Variants in PRRC2C observed in about 807,000 individuals in gnomAD.
PRRC2C encodes the protein proline rich coiled-coil 2C.
PRRC2C carries 72 observed loss-of-function variants against 317.2 expected under a neutral mutation model. The observed-to-expected ratio is 0.23, with a 90% CI of 0.19 to 0.28. PRRC2C has a LOEUF of 0.28. Among genes scored for constraint, PRRC2C ranks in the 10% least tolerant of loss-of-function variants. PRRC2C has a pLI of 1.00. For synonymous variants in PRRC2C, 1,296 were observed against 1,205.9 expected, an observed-to-expected ratio of 1.07 and a Z score of -1.55; for missense variants, 3,074 against 3,459.7, an observed-to-expected ratio of 0.89 and a Z score of 2.80.
intron 6 of PRRC2C, among the ~76,000 whole-genome samples, chr1:171,518,492 C>T (rs139221590): frequency 2.9e-5 from 2 of 68,390 alleles, no homozygotes; most frequent in African/African-American, 8.6e-5. Flanking sequence ...AATTTTTTTT[C>T]AATTTTTTTT....
rs763858329 is a variant in PRRC2C at position 171,535,378 on chromosome 1, G to A, written c.1874-50G>A. ...CAGTCTTTGTAAAAATCCTGTGTTTGATAAGTGTCATAGATGAATACTATT... is the reference window on the plus strand; with the variant it reads ...CAGTCTTTGTAAAAATCCTGTGTTTAATAAGTGTCATAGATGAATACTATT... On this transcript the variant is annotated intron_variant, in intron 12 of 34. Coordinates refer to ENST00000647382, the MANE Select transcript of PRRC2C (RefSeq NM_001387844.1). 4.6e-6 allele frequency: 7 copies of A among 1,505,418 alleles called. No homozygotes were observed. In the African/African-American group the frequency reaches 5.6e-5, roughly 12 times the overall value. 93.3% of individuals were successfully genotyped at this position (1,505,418 alleles called of 1,614,324 possible).
intron 17 of PRRC2C, among the ~76,000 whole-genome samples, chr1:171,549,178 T>G (rs965004863): frequency 4.6e-5 from 7 of 152,228 alleles, no homozygotes; most frequent in African/African-American, 1.7e-4. Context: ...TATTTCATTT[T>G]TTAAAACATT....
chr1:171,528,127 CTT>C (rs1018461667), intron 11 of PRRC2C, among the ~76,000 whole-genome samples: 7 of 152,042 alleles, frequency 4.6e-5, no homozygotes, highest in African/African-American at 1.7e-4. Context: ...GCTAAGGACA[CTT>C]TTTTACTTGG....
Position 171,540,492 on chromosome 1 carries a change from A to G in PRRC2C, c.3026A>G (p.Asp1009Gly). Residue 1009 changes from aspartate to glycine, a missense_variant, in exon 16 of 35, where the codon GAT (aspartate) becomes GGT (glycine). Asp to Gly is a moderately conservative substitution (Grantham distance 94). Transcript: ENST00000647382. ...TCTAACAGAAGGGAAGAAGTTAATG[A>G]TAGACCTGTGAGAAGATCAGGTCCC... The part of the protein sequence containing the change: ...PSSNRREEVN[D>G]RPVRRSGPIK... 1 of 1,613,356 alleles carries G rather than the reference A, an allele frequency of 6.2e-7. No homozygotes were observed. The highest frequency in any genetic ancestry group is 8.5e-7 in the Non-Finnish European group (1 of 1,179,716).
chr1:171,496,390 A>G (rs1373446978), intron 1 of PRRC2C, among the ~76,000 whole-genome samples: 2 of 151,228 alleles, frequency 1.3e-5, no homozygotes, highest in African/African-American at 2.4e-5. Context: ...TTTAGTAGAG[A>G]TGGTATTTTG....
rs377327909 is a variant in PRRC2C, at chr1:171,516,406, G to C, written c.526+547G>C. On this transcript the variant is annotated intron_variant, in intron 5 of 34. Coordinates refer to ENST00000647382, the MANE Select transcript of PRRC2C (RefSeq NM_001387844.1). ...ATCTTAAAGGACCTTGTTTACATGG[G>C]GAGGTTCGTCTATGACAGAAGTGTT... Among the ~76,000 whole-genome samples the C allele has an allele frequency of 5.3e-5, 8 of 152,238 alleles. No homozygotes were observed. In the South Asian group the frequency reaches 8.3e-4, roughly 16 times the overall value.
At chr1:171,536,945 A>G (rs1405902620) in intron 14 of PRRC2C, among the ~76,000 whole-genome samples, 2 of 152,228 alleles carry the variant, frequency 1.3e-5, no homozygotes, top group Non-Finnish European at 1.5e-5. Context: ...ATTGACATCC[A>G]GAGTCACAGT....
At chr1:171,584,690 G>A (rs1649448026) in intron 30 of PRRC2C, 164 bp downstream of exon 30, 1 of 765,340 alleles carries the variant, frequency 1.3e-6, no homozygotes, top group Non-Finnish European at 2.0e-6. Context: ...ACGTAGAAGG[G>A]GTTTCAGGCT....
In PRRC2C at chr1:171,517,848, A is replaced by C. The variant is rs888970287; in HGVS notation, c.750+34A>C. 17 of 1,580,758 alleles carry C rather than the reference A, an allele frequency of 1.1e-5. No homozygotes were observed. The Admixed American group carries it at 1.4e-4, about 13-fold the overall frequency. ...TGTTAAATGAACAAGCATTCAAACA[A>C]GTGGTTTTTGATCTGGGGTCCAAGG... On this transcript the variant is annotated intron_variant, in intron 6 of 34. Coordinates refer to ENST00000647382, the MANE Select transcript of PRRC2C (RefSeq NM_001387844.1).
At chr1:171,581,259 T>A (rs901556342) in intron 28 of PRRC2C, among the ~76,000 whole-genome samples, 2 of 152,218 alleles carry the variant, frequency 1.3e-5, no homozygotes, top group Non-Finnish European at 1.5e-5. Flanking sequence ...AAATAAAACT[T>A]GAAAATTTCT....
At chr1:171,529,400 C>T (rs1440483474) in intron 11 of PRRC2C, among the ~76,000 whole-genome samples, 1 of 152,184 alleles carries the variant, frequency 6.6e-6, no homozygotes, top group East Asian at 1.9e-4. Flanking sequence ...AACACACACC[C>T]CCACCTTTCC....
At position 171,584,437 on chromosome 1, in the gene PRRC2C, C is replaced by G; in HGVS notation, c.7660C>G (p.Gln2554Glu). 6.3e-7 allele frequency: 1 copy of G among 1,579,346 alleles called. No individual in the cohort carries two copies. The highest frequency in any genetic ancestry group is 8.6e-7 in the Non-Finnish European group (1 of 1,163,422). Residue 2554 changes from glutamine (Q) to glutamate (E), a missense_variant, in exon 30 of 35, where the codon CAG becomes GAG. By Grantham distance (29) the Gln-to-Glu change is conservative. This residue lies in a region of PRRC2C where 490 missense variants were observed against 663.1 expected (regional missense o/e 0.74). Coordinates refer to ENST00000647382, the MANE Select transcript of PRRC2C (RefSeq NM_001387844.1). ...HLLQARANLTQASNLYSGQVQ... is the reference protein window; with the variant it reads ...HLLQARANLTEASNLYSGQVQ... Reference sequence around the variant, plus strand: ...TTTCTAGGCCAGAGCAAATCTTACCCAGGCCTCAAATCTTTATTCTGGACA... The same window carrying G: ...TTTCTAGGCCAGAGCAAATCTTACCGAGGCCTCAAATCTTTATTCTGGACA...
At position 171,513,160 on chromosome 1, in the gene PRRC2C, A is replaced by G. The variant is rs747206117; in HGVS notation, c.278A>G (p.His93Arg). 4.3e-6 allele frequency: 7 copies of G among 1,610,854 alleles called. No individual in the cohort carries two copies. The highest frequency in any genetic ancestry group is 2.5e-6 in the Non-Finnish European group (3 of 1,178,742). Residue 93 changes from histidine (H) to arginine (R), a missense_variant, in exon 3 of 35, where the codon CAT becomes CGT. Coordinates refer to ENST00000647382, the MANE Select transcript of PRRC2C (RefSeq NM_001387844.1). ...GTGWASKQEQ[H>R]EEEKTPEVPP... ...GGGTGGGCATCAAAACAAGAGCAAC[A>G]TGAAGAAGAAAAGTGAGTCAAAGTC...
intron 1 of PRRC2C, among the ~76,000 whole-genome samples, chr1:171,497,626 A>C (rs573807883): frequency 1.3e-5 from 2 of 151,338 alleles, no homozygotes; most frequent in Non-Finnish European, 2.9e-5. Flanking sequence ...ATGTGCCACC[A>C]GGCCTGGCTA....
chr1:171,558,840 C>T (rs1030409221), intron 19 of PRRC2C, among the ~76,000 whole-genome samples: 8 of 152,146 alleles, frequency 5.3e-5, no homozygotes, highest in South Asian at 2.1e-4. Flanking sequence ...AAGCTGGGAA[C>T]GACTAAGCTT....
In PRRC2C at chr1:171,514,552, C is replaced by T; in HGVS notation, c.307C>T (p.Pro103Ser). Residue 103 changes from proline to serine, a missense_variant, in exon 4 of 35, where the codon CCA becomes TCA. Physicochemically the swap from Pro to Ser is moderately conservative, Grantham distance 74. Coordinates refer to ENST00000647382, the MANE Select transcript of PRRC2C (RefSeq NM_001387844.1). ...TTTTTTAAGAACACCAGAAGTGCCACCAGCACAGCCAAAACCTGGGGTTGC... is the reference window on the plus strand; with the variant it reads ...TTTTTTAAGAACACCAGAAGTGCCATCAGCACAGCCAAAACCTGGGGTTGC... ...HEEEKTPEVP[P>S]AQPKPGVAAP... The T allele has an allele frequency of 1.9e-6, 3 of 1,556,876 alleles. No homozygotes were observed. The highest frequency in any genetic ancestry group is 2.6e-6 in the Non-Finnish European group (3 of 1,150,240).
chr1:171,592,007 C>A lies in PRRC2C; in HGVS notation c.*160C>A. 1 of 913,704 alleles carries A rather than the reference C, an allele frequency of 1.1e-6. No homozygotes were observed. Among genetic ancestry groups the A allele is most frequent in the Non-Finnish European group, 1.6e-6 (1 of 606,790 alleles). 56.6% of individuals were successfully genotyped at this position (913,704 alleles called of 1,614,324 possible). ...CATAGGAGCAATTTACACTGACACA[C>A]AGCTGCTGTACCAGTGAAAACGAGG... is the stretch of plus-strand genomic sequence containing the variant. On this transcript the variant is annotated 3_prime_UTR_variant, in exon 35 of 35. Coordinates refer to ENST00000647382, the MANE Select transcript of PRRC2C (RefSeq NM_001387844.1).
intron 1 of PRRC2C, among the ~76,000 whole-genome samples, chr1:171,494,912 T>C (rs992809319): frequency 6.6e-6 from 1 of 152,196 alleles, no homozygotes; most frequent in Non-Finnish European, 1.5e-5. Flanking sequence ...TCTAGATGCA[T>C]ACCTCATGGC....
rs1677033953 is a variant in PRRC2C at position 171,537,415 on chromosome 1, C to T, written c.2446C>T (p.His816Tyr). Residue 816 changes from histidine (H) to tyrosine (Y), a missense_variant, in exon 15 of 35, where the codon CAT (histidine) becomes TAT (tyrosine). Transcript: ENST00000647382. ...RMLWGSDPYP[H>Y]AEPQQATTPK... ...GCTGTGGGGGTCAGATCCCTATCCTCATGCTGAGCCTCAACAAGCAACTAC... is the reference window on the plus strand; with the variant it reads ...GCTGTGGGGGTCAGATCCCTATCCTTATGCTGAGCCTCAACAAGCAACTAC... 6.3e-7 allele frequency: 1 copy of T among 1,588,632 alleles called. No homozygotes were observed. Among genetic ancestry groups the T allele is most frequent in the Non-Finnish European group, 8.6e-7 (1 of 1,166,620 alleles).
Sources: allele counts gnomAD v4.1 joint callset (sites outside exome capture counted in the v4.1 genomes callset), GRCh38; gene constraint gnomAD v4.1.1; regional missense constraint gnomAD v4.1.1; transcripts MANE v1.5; gene names NCBI Gene and HGNC (gene_info 2026-07-23, HGNC 2026-07-21).